The following FER variants were observed in gnomAD, a reference collection of about 807,000 sequenced individuals.
The protein encoded by FER is tyrosine-protein kinase Fer.
In FER, 63 loss-of-function variants were observed where a neutral mutation model predicts 111.0. The ratio of observed to expected loss-of-function variants is 0.57; its 90% CI spans 0.46 to 0.70. The LOEUF (loss-of-function observed/expected upper bound fraction) is 0.70. Ranked by LOEUF, FER falls within the 30% of genes least tolerant of loss-of-function variation. The pLI is 0.00. For synonymous variants in FER, 327 were observed against 313.9 expected (o/e 1.04, Z -0.44); for missense variants, 914 against 954.0 (o/e 0.96, Z 0.55).
intron 9 of FER, among the ~76,000 whole-genome samples, chr5:108,892,542 A>C (rs1748283074): frequency 6.6e-6 from 1 of 151,830 alleles, no homozygotes; most frequent in South Asian, 2.1e-4. Flanking sequence ...AATTTGTTTG[A>C]GTTCATTGTA....
chr5:108,850,422 C>A (rs988816600), intron 5 of FER, among the ~76,000 whole-genome samples: 3 of 151,646 alleles, frequency 2.0e-5, no homozygotes, highest in Admixed American at 6.6e-5. Context: ...TTAGATAATC[C>A]TTTTGTAGTA....
At chr5:109,058,414 T>G (rs1232286873) in intron 16 of FER, among the ~76,000 whole-genome samples, 1 of 152,136 alleles carries the variant, frequency 6.6e-6, no homozygotes. Flanking sequence ...TATGTTTTCT[T>G]TGCTCCCATA....
At chr5:108,842,794 G>A (rs868513318) in intron 5 of FER, 1 of 152,124 alleles carries the variant, frequency 6.6e-6, no homozygotes, top group South Asian at 2.1e-4. Context: ...ACTTCTACAC[G>A]GCTGGTGGGA....
chr5:109,181,173 G>A (rs1032552528), intron 18 of FER, among the ~76,000 whole-genome samples: 2 of 152,092 alleles, frequency 1.3e-5, no homozygotes, highest in Non-Finnish European at 2.9e-5. Flanking sequence ...AAATGACTTT[G>A]TAATAGATTA....
intron 3 of FER, among the ~76,000 whole-genome samples, chr5:108,806,565 G>C (rs1271404313): frequency 6.6e-6 from 1 of 152,224 alleles, no homozygotes; most frequent in African/African-American, 2.4e-5. Context: ...AGCCACAGGG[G>C]CAGAGCTGCC....
chr5:108,847,278 G>A (rs1363207285), intron 5 of FER, among the ~76,000 whole-genome samples: 1 of 151,166 alleles, frequency 6.6e-6, no homozygotes, highest in African/African-American at 2.4e-5. Context: ...TGATTCATAG[G>A]TTATTTAGAA....
chr5:108,905,755 A>C (rs1750671877), intron 10 of FER, among the ~76,000 whole-genome samples: 1 of 152,212 alleles, frequency 6.6e-6, no homozygotes. Context: ...CAGTACCTAT[A>C]TATATACTCA....
At chr5:109,012,715 G>T (rs376967947) in intron 13 of FER, among the ~76,000 whole-genome samples, 1 of 152,174 alleles carries the variant, frequency 6.6e-6, no homozygotes, top group African/African-American at 2.4e-5. Flanking sequence ...TAGAGGTATG[G>T]CTCAGCATAA....
chr5:108,858,371 A>G (rs147221384), intron 5 of FER, among the ~76,000 whole-genome samples: 66 of 152,258 alleles, frequency 4.3e-4, no homozygotes, highest in African/African-American at 1.5e-3. Context: ...ACAGTTTGGT[A>G]TTTGTTTAAA....
intron 10 of FER, among the ~76,000 whole-genome samples, chr5:108,907,710 A>G (rs1338870809): frequency 6.6e-6 from 1 of 152,162 alleles, no homozygotes; most frequent in Admixed American, 6.5e-5. Context: ...CAATAAACAA[A>G]TGATTAACAA....
intron 8 of FER, 116 bp from the exon 9 acceptor site, chr5:108,883,280 G>A (rs1765850637): frequency 4.1e-6 from 4 of 973,168 alleles, no homozygotes; most frequent in Non-Finnish European, 5.7e-6. Flanking sequence ...GTTTGAATCA[G>A]ATTATATGTG....
At chr5:108,835,852 C>A in intron 5 of FER, 45 bp downstream of exon 5, 1 of 1,097,938 alleles carries the variant, frequency 9.1e-7, no homozygotes, top group South Asian at 1.5e-5. Flanking sequence ...GATTTTTATT[C>A]TTACTGTTTG....
At chr5:108,754,092 C>T (rs1320788484) in intron 1 of FER, among the ~76,000 whole-genome samples, 1 of 152,006 alleles carries the variant, frequency 6.6e-6, no homozygotes, top group Non-Finnish European at 1.5e-5. Flanking sequence ...TGAATCTACT[C>T]TGATTTATTG....
intron 10 of FER, among the ~76,000 whole-genome samples, chr5:108,905,454 T>C (rs1750622925): frequency 6.6e-6 from 1 of 152,142 alleles, no homozygotes; most frequent in African/African-American, 2.4e-5. Context: ...AGAGAGAAGA[T>C]AAAGTTAGGT....
chr5:108,790,065 C>T (rs1217213808), intron 2 of FER, among the ~76,000 whole-genome samples: 2 of 151,966 alleles, frequency 1.3e-5, no homozygotes, highest in Admixed American at 6.5e-5. Flanking sequence ...ATGGCTTGTG[C>T]CTGTAGTTTC....
chr5:108,957,329 G>T (rs1758556782), intron 12 of FER, among the ~76,000 whole-genome samples: 1 of 151,412 alleles, frequency 6.6e-6, no homozygotes, highest in Admixed American at 6.6e-5. Flanking sequence ...TTGTACAAAT[G>T]GCCAGTAGGT....
chr5:108,964,285 G>T (rs369544557), intron 13 of FER, among the ~76,000 whole-genome samples: 2 of 152,008 alleles, frequency 1.3e-5, no homozygotes, highest in South Asian at 4.1e-4. Context: ...GCATAGAGAG[G>T]GCTAATTTTT....
intron 5 of FER, among the ~76,000 whole-genome samples, chr5:108,847,064 C>T (rs893819788): frequency 6.6e-6 from 1 of 151,002 alleles, no homozygotes; most frequent in East Asian, 2.0e-4. Context: ...TGCACTTTTT[C>T]TGTTTTTCTT....
chr5:109,016,388 C>A (rs1767125879), intron 13 of FER, among the ~76,000 whole-genome samples: 1 of 151,960 alleles, frequency 6.6e-6, no homozygotes, highest in South Asian at 2.1e-4. Flanking sequence ...GTGTATCAGC[C>A]ACTCTGATTT....
Sources: gnomAD v4.1 joint callset for allele counts (sites outside exome capture counted in the v4.1 genomes callset) on GRCh38, gnomAD v4.1.1 for gene constraint, MANE v1.5 for transcripts, NCBI Gene and HGNC (gene_info 2026-07-23, HGNC 2026-07-21) for gene names.